WWTR1: variants seen among roughly 807,000 people sequenced by gnomAD.
WWTR1 encodes the protein WW domain containing transcription regulator 1.
A neutral mutation model predicts 40.1 loss-of-function variants in WWTR1; 13 were observed. The observed-to-expected ratio is 0.32, with a 90% confidence interval of 0.21 to 0.52. The LOEUF (loss-of-function observed/expected upper bound fraction) is 0.52, where lower values mean the gene tolerates loss of function less well. Among genes scored for constraint, WWTR1 ranks in the 20% least tolerant of loss-of-function variants. The pLI is 0.97. For missense variants in WWTR1, 436 were observed against 523.1 expected, an observed-to-expected ratio of 0.83 and a Z score of 1.63; for synonymous variants, 230 against 210.1, an observed-to-expected ratio of 1.09 and a Z score of -0.82.
At chr3:149,565,885 G>A (rs915119614) in intron 3 of WWTR1, among the ~76,000 whole-genome samples, 6 of 144,396 alleles carry the variant, frequency 4.2e-5, no homozygotes, top group Non-Finnish European at 5.9e-5. Flanking sequence ...CTGAGATTGT[G>A]CCATTGCACT....
At chr3:149,634,456 C>T (rs1339466952) in intron 2 of WWTR1, among the ~76,000 whole-genome samples, 4 of 152,174 alleles carry the variant, frequency 2.6e-5, no homozygotes, top group Non-Finnish European at 4.4e-5. Context: ...CTCATTATCT[C>T]CCACCAAAGT....
intron 3 of WWTR1, among the ~76,000 whole-genome samples, chr3:149,549,017 T>C (rs2107951180): frequency 6.6e-6 from 1 of 152,350 alleles, no homozygotes; most frequent in Admixed American, 6.5e-5. Flanking sequence ...ACTAAAAATG[T>C]AATTTCCACA....
chr3:149,521,128 G>C, intron 6 of WWTR1, 139 bp from the exon 7 acceptor site: 1 of 1,041,994 alleles, frequency 9.6e-7, no homozygotes, highest in East Asian at 2.8e-5. Context: ...GAGGTACAGA[G>C]ATGTGGAAGA....
At chr3:149,583,991 T>C (rs1576578530) in intron 2 of WWTR1, among the ~76,000 whole-genome samples, 1 of 152,224 alleles carries the variant, frequency 6.6e-6, no homozygotes, top group African/African-American at 2.4e-5. Flanking sequence ...CAATAAGTCT[T>C]AAAAAGAAGT....
At position 149,542,487 on chromosome 3, in the gene WWTR1, GC is replaced by G; in HGVS notation, c.618del (p.Gln206HisfsTer14). On this transcript the variant is annotated frameshift_variant, in exon 4 of 7. Coordinates refer to ENST00000360632, the MANE Select transcript of WWTR1 (RefSeq NM_015472.6). LOFTEE classifies it high-confidence loss of function. ...QQQMAPSTLSQQNHPTQNPPA... is the reference protein window; with the variant it reads ...QQQMAPSTLSXQNHPTQNPPA... ...GGTGGGTTCTGAGTGGGGTGGTTCT[GC>G]TGGCTCAGGGTACTGGGGGCCATCT... 1 of 1,613,944 alleles carries G rather than the reference GC, an allele frequency of 6.2e-7. No homozygotes were observed. The highest frequency in any genetic ancestry group is 8.5e-7 in the Non-Finnish European group (1 of 1,179,858).
chr3:149,564,897 T>C (rs897254260), intron 3 of WWTR1, among the ~76,000 whole-genome samples: 12 of 152,166 alleles, frequency 7.9e-5, no homozygotes, highest in African/African-American at 2.9e-4. Context: ...ATAAATATAT[T>C]TGTGGCTAGG....
At chr3:149,691,270 A>G (rs1240409390) in intron 1 of WWTR1, among the ~76,000 whole-genome samples, 2 of 152,046 alleles carry the variant, frequency 1.3e-5, no homozygotes, top group East Asian at 3.8e-4. Flanking sequence ...CAGAAAGGCA[A>G]GAGCAAACCA....
chr3:149,560,955 C>T (rs1432682784), intron 3 of WWTR1, among the ~76,000 whole-genome samples: 2 of 96,082 alleles, frequency 2.1e-5, no homozygotes, highest in Non-Finnish European at 3.9e-5. Context: ...AAGAAAGTAA[C>T]ACCCCCCCCC....
intron 2 of WWTR1, among the ~76,000 whole-genome samples, chr3:149,640,335 G>C (rs779417779): frequency 2.0e-5 from 3 of 152,280 alleles, no homozygotes; most frequent in South Asian, 2.1e-4. Context: ...AGAACTTTTT[G>C]AAAGTTTCTA....
intron 2 of WWTR1, among the ~76,000 whole-genome samples, chr3:149,638,475 CATAATACTAGT>C (rs1711960902): frequency 6.6e-6 from 1 of 152,112 alleles, no homozygotes. Flanking sequence ...AGGGCAATGG[CATAATACTAGT>C]ATAATTCACA....
chr3:149,648,443 C>CAAA (rs937540119), intron 2 of WWTR1, among the ~76,000 whole-genome samples: 9 of 145,832 alleles, frequency 6.2e-5, no homozygotes, highest in African/African-American at 2.0e-4. Context: ...CTAAACAAAA[C>CAAA]AAAAAAAAAA....
rs373168246 is a variant in WWTR1, at chr3:149,526,165, C to A, written c.906-40G>T. 73 of 1,432,364 alleles carry A rather than the reference C, an allele frequency of 5.1e-5. 2 individuals are homozygous for A. The highest frequency in any genetic ancestry group is 3.0e-4 in the African/African-American group (21 of 69,214). 88.7% of individuals were successfully genotyped at this position (1,432,364 alleles called of 1,614,324 possible). ...ATGAAGAAACTTCAATATGAGCCCA[C>A]TAAATAAATCTCAAAATTAAAACAC... On this transcript the variant is annotated intron_variant, in intron 5 of 6. Coordinates refer to ENST00000360632, the MANE Select transcript of WWTR1 (RefSeq NM_015472.6).
At chr3:149,664,867 G>A (rs539511925) in intron 2 of WWTR1, among the ~76,000 whole-genome samples, 2 of 152,142 alleles carry the variant, frequency 1.3e-5, no homozygotes, top group African/African-American at 4.8e-5. Context: ...GGGATTATAG[G>A]AGTGAACCAC....
At chr3:149,667,502 C>T (rs1187849450) in intron 2 of WWTR1, among the ~76,000 whole-genome samples, 1 of 150,404 alleles carries the variant, frequency 6.6e-6, no homozygotes, top group Non-Finnish European at 1.5e-5. Flanking sequence ...GAGCTCAGAT[C>T]GTGCCACTGC....
intron 2 of WWTR1, among the ~76,000 whole-genome samples, chr3:149,574,461 TG>T (rs1737786958): frequency 6.6e-6 from 1 of 152,208 alleles, no homozygotes; most frequent in South Asian, 2.1e-4. Flanking sequence ...CCCCCACCAT[TG>T]ACCTTCCTTA....
upstream of WWTR1, among the ~76,000 whole-genome samples, chr3:149,706,887 T>C (rs568236779): frequency 3.3e-5 from 5 of 152,152 alleles, no homozygotes; most frequent in South Asian, 4.1e-4. Flanking sequence ...TACCACTCAA[T>C]TGCTCCGTGG....
chr3:149,641,919 AC>A (rs1463641428), intron 2 of WWTR1, among the ~76,000 whole-genome samples: 11 of 152,266 alleles, frequency 7.2e-5, no homozygotes, highest in Non-Finnish European at 1.5e-4. Context: ...TCAAATGCAG[AC>A]ATGCAAGATC....
At chr3:149,676,785 G>T (rs1459348780) in intron 1 of WWTR1, among the ~76,000 whole-genome samples, 2 of 152,074 alleles carry the variant, frequency 1.3e-5, no homozygotes, top group Non-Finnish European at 2.9e-5. Flanking sequence ...AAAGCAATGG[G>T]ATTGGCAGTG....
At chr3:149,596,424 T>C (rs756749620) in intron 2 of WWTR1, among the ~76,000 whole-genome samples, 1 of 152,200 alleles carries the variant, frequency 6.6e-6, no homozygotes, top group Non-Finnish European at 1.5e-5. Context: ...GCACCACAGC[T>C]TTCCCAGAGA....
Sources: allele counts gnomAD v4.1 joint callset (sites outside exome capture counted in the v4.1 genomes callset), GRCh38; gene constraint gnomAD v4.1.1; transcripts MANE v1.5; gene names NCBI Gene and HGNC (gene_info 2026-07-23, HGNC 2026-07-21).